DMD: variants seen among roughly 807,000 people sequenced by gnomAD.
DMD encodes the protein dystrophin, also known as mutant dystrophin.
DMD carries 63 observed loss-of-function variants against 330.1 expected under a neutral mutation model. The observed-to-expected ratio is 0.19, with a 90% CI of 0.16 to 0.24. The LOEUF is 0.24. Among genes scored for constraint, DMD ranks in the 10% least tolerant of loss-of-function variants. The pLI is 1.00. For synonymous variants in DMD, 1,223 were observed against 959.8 expected, an observed-to-expected ratio of 1.27 and a Z score of -5.07; for missense variants, 3,344 against 2,684.1, an observed-to-expected ratio of 1.25 and a Z score of -5.43.
intron 45 of DMD, among the ~76,000 whole-genome samples, chrX:31,933,253 C>A (rs1384654888): frequency 8.9e-6 from 1 of 111,938 alleles, no homozygotes; most frequent in East Asian, 2.8e-4. Flanking sequence ...TTGAGCAGTT[C>A]TGCTTTATGT....
chrX:32,325,801 A>AT (rs56390411), intron 41 of DMD, among the ~76,000 whole-genome samples: 15,717 of 81,590 alleles, frequency 0.19, 1,529 homozygotes, highest in African/African-American at 0.3. Flanking sequence ...TAAGTACTCA[A>AT]TTTTTTTTTT....
At chrX:31,757,093 T>C (rs2089174257) in intron 51 of DMD, among the ~76,000 whole-genome samples, 1 of 111,095 alleles carries the variant, frequency 9.0e-6, no homozygotes, top group African/African-American at 3.3e-5. Context: ...AATCCTTCCC[T>C]ATGTGTATAT....
intron 2 of DMD, among the ~76,000 whole-genome samples, chrX:32,960,855 G>C (rs2091857028): frequency 9.7e-6 from 1 of 102,569 alleles, no homozygotes; most frequent in South Asian, 4.3e-4. Context: ...ATAAAACCGT[G>C]CACGCCAACA....
At chrX:31,637,124 G>T (rs2079462930) in intron 54 of DMD, among the ~76,000 whole-genome samples, 1 of 111,704 alleles carries the variant, frequency 9.0e-6, no homozygotes, top group Admixed American at 9.5e-5. Context: ...CCAACTGAAC[G>T]ATGAATTAAT....
intron 44 of DMD, among the ~76,000 whole-genome samples, chrX:32,079,977 T>C (rs763534569): frequency 8.9e-6 from 1 of 112,234 alleles, no homozygotes; most frequent in Non-Finnish European, 1.9e-5. Context: ...GATTAAAAAA[T>C]TTCCATAAAG....
At chrX:32,733,770 A>G (rs1167631105) in intron 7 of DMD, among the ~76,000 whole-genome samples, 4 of 107,098 alleles carry the variant, frequency 3.7e-5, no homozygotes, top group Non-Finnish European at 5.8e-5. Context: ...AGCAGTGTGT[A>G]GAGGGAAATT....
chrX:32,842,714 C>CCT (rs370754032), intron 4 of DMD, among the ~76,000 whole-genome samples: 141 of 111,831 alleles, frequency 1.3e-3, no homozygotes, highest in African/African-American at 4.0e-3. Context: ...AGGATAATGA[C>CCT]CTCCAGACTC....
intron 62 of DMD, among the ~76,000 whole-genome samples, chrX:31,318,568 T>C (rs1228839773): frequency 1.8e-5 from 2 of 112,369 alleles, no homozygotes; most frequent in Admixed American, 9.4e-5. Context: ...TGTGGAAACA[T>C]GCCTGAGATT....
chrX:32,103,659 C>T (rs189676176), intron 44 of DMD, among the ~76,000 whole-genome samples: 1 of 112,153 alleles, frequency 8.9e-6, no homozygotes, highest in East Asian at 2.8e-4. Context: ...TGCAAGTTTT[C>T]AAAATATTTA....
chrX:33,008,904 ATACT>A (rs2147523251), intron 2 of DMD, among the ~76,000 whole-genome samples: 1 of 81,898 alleles, frequency 1.2e-5, no homozygotes, highest in Non-Finnish European at 2.6e-5. Flanking sequence ...ATATATACAC[ATACT>A]CATATATGTA....
intron 7 of DMD, among the ~76,000 whole-genome samples, chrX:32,783,645 A>G (rs913029226): frequency 1.2e-4 from 13 of 110,111 alleles, no homozygotes; most frequent in African/African-American, 4.3e-4. Context: ...AAATGTAACA[A>G]CTATTTACGT....
At chrX:32,264,578 T>C (rs1396760081) in intron 43 of DMD, among the ~76,000 whole-genome samples, 4 of 111,910 alleles carry the variant, frequency 3.6e-5, no homozygotes, top group Non-Finnish European at 7.5e-5. Context: ...CAGGAAGATG[T>C]GGGAAAGTTT....
At chrX:31,459,290 CA>C (rs771743392) in intron 59 of DMD, among the ~76,000 whole-genome samples, 13 of 111,479 alleles carry the variant, frequency 1.2e-4, no homozygotes, top group Non-Finnish European at 1.7e-4. Context: ...GGATAGATCT[CA>C]AAATGGGTTA....
intron 13 of DMD, among the ~76,000 whole-genome samples, chrX:32,577,078 T>C: frequency 8.9e-6 from 1 of 111,972 alleles, no homozygotes; most frequent in East Asian, 2.8e-4. Context: ...AGATAGAGCC[T>C]ATAAATAGAC....
At chrX:32,766,814 C>A (rs1370203957) in intron 7 of DMD, among the ~76,000 whole-genome samples, 2 of 111,637 alleles carry the variant, frequency 1.8e-5, no homozygotes, top group Non-Finnish European at 3.8e-5. Flanking sequence ...GATATGTTAA[C>A]TAGCTTGATT....
chrX:33,303,564 C>T (rs1042724384), intron 1 of DMD, among the ~76,000 whole-genome samples: 1 of 111,201 alleles, frequency 9.0e-6, no homozygotes, highest in Non-Finnish European at 1.9e-5. Context: ...TCTTGTAGTT[C>T]CCATAATCCC....
At chrX:32,495,128 C>A (rs1314178174) in intron 19 of DMD, among the ~76,000 whole-genome samples, 6 of 111,863 alleles carry the variant, frequency 5.4e-5, no homozygotes, top group Admixed American at 3.8e-4. Context: ...TAATGTTGGG[C>A]ACAGAAAATC....
In DMD at chrX:31,773,955, C is replaced by G. The variant is rs1468868482; in HGVS notation, c.7542+5G>C. On this transcript the variant is annotated splice_donor_5th_base_variant and intron_variant, in intron 51 of 78. Transcript: ENST00000357033. ...TCTGCCAACTTTTATCATTTTTTCT[C>G]ATACCTTCTGCTTGATGATCATCTC... 8.3e-7 allele frequency: 1 copy of G among 1,197,849 alleles called. No individual in the cohort carries two copies. Among genetic ancestry groups the G allele is most frequent in the African/African-American group, 1.8e-5 (1 of 56,181 alleles).
chrX:31,514,791 C>T (rs939097116), intron 55 of DMD, among the ~76,000 whole-genome samples: 4 of 110,850 alleles, frequency 3.6e-5, no homozygotes, highest in African/African-American at 1.3e-4. Flanking sequence ...GGGATGTATA[C>T]GATTGGGAAA....
Sources: gnomAD v4.1 joint callset for allele counts (sites outside exome capture counted in the v4.1 genomes callset) on GRCh38, gnomAD v4.1.1 for gene constraint, MANE v1.5 for transcripts, NCBI Gene and HGNC (gene_info 2026-07-23, HGNC 2026-07-21) for gene names.